PLD5: variants seen among roughly 807,000 people sequenced by gnomAD.
PLD5 encodes the protein inactive phospholipase D5.
A neutral mutation model predicts 61.1 loss-of-function variants in PLD5; 36 were observed. The ratio of observed to expected loss-of-function variants is 0.59; its 90% CI spans 0.45 to 0.78. PLD5 has a LOEUF of 0.78. Ranked by LOEUF, PLD5 falls within the 30% of genes least tolerant of loss-of-function variation. The probability of loss-of-function intolerance (pLI) is 0.00; values close to 1 mark genes in which losing one functional copy is unlikely to be tolerated. For missense variants in PLD5, 515 were observed against 644.4 expected (o/e 0.80, Z 2.17); for synonymous variants, 243 against 242.8 (o/e 1.00, Z -0.01).
intron 1 of PLD5, among the ~76,000 whole-genome samples, chr1:242,407,441 CCT>C (rs1664293620): frequency 6.6e-6 from 1 of 152,114 alleles, no homozygotes; most frequent in African/African-American, 2.4e-5. Flanking sequence ...TCCTCCTATC[CCT>C]CTGACTATGC....
chr1:242,362,877 A>G, intron 1 of PLD5, among the ~76,000 whole-genome samples: 1 of 152,060 alleles, frequency 6.6e-6, no homozygotes, highest in East Asian at 1.9e-4. Context: ...TAACCTGCAA[A>G]TGTACATCAC....
At chr1:242,351,277 G>T (rs1272060008) in intron 1 of PLD5, among the ~76,000 whole-genome samples, 1 of 152,086 alleles carries the variant, frequency 6.6e-6, no homozygotes, top group Non-Finnish European at 1.5e-5. Flanking sequence ...AGGTGTTCAA[G>T]AAATAATTAT....
At chr1:242,523,427 G>A (rs554483497) in intron 1 of PLD5, among the ~76,000 whole-genome samples, 8 of 152,066 alleles carry the variant, frequency 5.3e-5, no homozygotes, top group African/African-American at 1.7e-4. Flanking sequence ...GCACTCCTTG[G>A]GAGTAGAGGT....
At chr1:242,160,692 C>A (rs181798267) in intron 5 of PLD5, among the ~76,000 whole-genome samples, 314 of 152,186 alleles carry the variant, frequency 2.1e-3, no homozygotes, top group African/African-American at 7.2e-3. Flanking sequence ...TGAGACCAGC[C>A]TGGCCAACAT....
At chr1:242,250,313 T>C (rs532729834) in intron 4 of PLD5, among the ~76,000 whole-genome samples, 4 of 152,198 alleles carry the variant, frequency 2.6e-5, no homozygotes, top group Non-Finnish European at 4.4e-5. Flanking sequence ...AGTCTCCATC[T>C]TGCCCTCATT....
At chr1:242,171,731 G>A (rs1666763834) in intron 5 of PLD5, among the ~76,000 whole-genome samples, 1 of 146,446 alleles carries the variant, frequency 6.8e-6, no homozygotes, top group African/African-American at 2.5e-5. Flanking sequence ...AAAAAAAAGA[G>A]CAGGAGTTGC....
intron 1 of PLD5, among the ~76,000 whole-genome samples, chr1:242,421,500 A>T (rs1325381383): frequency 6.6e-6 from 1 of 152,330 alleles, no homozygotes. Context: ...GATACAGCAC[A>T]TACTACTGAT....
chr1:242,268,436 C>T (rs1363644743), intron 3 of PLD5, among the ~76,000 whole-genome samples: 1 of 152,164 alleles, frequency 6.6e-6, no homozygotes, highest in Non-Finnish European at 1.5e-5. Context: ...GTATTTCTGG[C>T]TCTGTGACTT....
chr1:242,424,437 G>T (rs950640259), intron 1 of PLD5, among the ~76,000 whole-genome samples: 1 of 151,736 alleles, frequency 6.6e-6, no homozygotes, highest in African/African-American at 2.4e-5. Flanking sequence ...TTCAAAATAC[G>T]CCCAGATTTT....
At chr1:242,435,867 C>T (rs1370645873) in intron 1 of PLD5, among the ~76,000 whole-genome samples, 2 of 152,200 alleles carry the variant, frequency 1.3e-5, no homozygotes, top group South Asian at 2.1e-4. Flanking sequence ...TCTACCACTA[C>T]TCTATGCCTT....
At chr1:242,229,093 A>C (rs1215429736) in intron 4 of PLD5, among the ~76,000 whole-genome samples, 1 of 152,356 alleles carries the variant, frequency 6.6e-6, no homozygotes, top group East Asian at 1.9e-4. Flanking sequence ...AATTTTTAGC[A>C]AAGAGCCTGT....
Position 242,132,192 on chromosome 1 carries a change from C to CGGG in PLD5, c.736-7530_736-7528dup, listed in dbSNP as rs58312459. On this transcript the variant is annotated intron_variant, in intron 5 of 9. Transcript: ENST00000536534. ...GTCATCAAAGAGAATGCAGTGATTG[C>CGGG]GGGGGGGGGGGGGGGCGGAATCATT... is the stretch of plus-strand genomic sequence containing the variant. Among the ~76,000 whole-genome samples the CGGG allele has an allele frequency of 5.4e-3, 109 of 20,226 alleles. 1 individual carries two copies. Among genetic ancestry groups the CGGG allele is most frequent in the African/African-American group, 7.2e-3 (35 of 4,842 alleles). 13.3% of individuals were successfully genotyped at this position (20,226 alleles called of 152,430 possible).
chr1:242,444,593 C>A (rs1168508697), intron 1 of PLD5, among the ~76,000 whole-genome samples: 2 of 44,382 alleles, frequency 4.5e-5, no homozygotes, highest in Non-Finnish European at 9.5e-5. Context: ...TCCTCAGGAA[C>A]ATAATCAAAA....
chr1:242,272,392 T>G lies in PLD5; in HGVS notation c.496-6944A>C, dbSNP rs1186043651. Among the ~76,000 whole-genome samples the G allele has an allele frequency of 3.3e-5, 5 of 152,250 alleles. No individual in the cohort carries two copies. In the East Asian group the frequency reaches 9.6e-4, roughly 29 times the overall value. On this transcript the variant is annotated intron_variant, in intron 3 of 9. Transcript: ENST00000536534. The stretch of plus-strand genomic sequence containing the variant: ...AAAAATTATATATTATCAATAAACT[T>G]GATTATATGTATACTTTTATATACT...
intron 1 of PLD5, among the ~76,000 whole-genome samples, chr1:242,454,331 C>CAAAAA (rs34186124): frequency 4.0e-4 from 51 of 128,162 alleles, no homozygotes; most frequent in Middle Eastern, 8.0e-3. Context: ...GACTCCGTGT[C>CAAAAA]AAAAAAAAAA....
intron 1 of PLD5, among the ~76,000 whole-genome samples, chr1:242,504,579 T>A (rs2102993669): frequency 1.4e-5 from 1 of 73,706 alleles, no homozygotes; most frequent in South Asian, 3.1e-4. Flanking sequence ...CATGAAAGCA[T>A]TTTTTAACTG....
intron 1 of PLD5, among the ~76,000 whole-genome samples, chr1:242,476,435 A>G (rs2102956119): frequency 6.6e-6 from 1 of 152,300 alleles, no homozygotes; most frequent in East Asian, 1.9e-4. Flanking sequence ...TGGGGCTGCC[A>G]GGTGGCAAGG....
At position 242,349,364 on chromosome 1, in the gene PLD5, G is replaced by A. The variant is rs61848688; in HGVS notation, c.190-1122C>T. Reference sequence around the variant, plus strand: ...TATCAGCAATTCCAAAAGGGAGGAGGGCACAAATTAGGCAAGTCCAGCTCC... The same window carrying A: ...TATCAGCAATTCCAAAAGGGAGGAGAGCACAAATTAGGCAAGTCCAGCTCC... On this transcript the variant is annotated intron_variant, in intron 1 of 9. Coordinates refer to ENST00000536534, the MANE Select transcript of PLD5 (RefSeq NM_001372062.1). Among the ~76,000 whole-genome samples, 620 of 152,200 alleles carry A rather than the reference G, an allele frequency of 4.1e-3. 2 individuals carry two copies. Among genetic ancestry groups the A allele is most frequent in the Non-Finnish European group, 6.4e-3 (432 of 68,004 alleles).
At chr1:242,337,592 T>C (rs1659597680) in intron 2 of PLD5, among the ~76,000 whole-genome samples, 1 of 152,144 alleles carries the variant, frequency 6.6e-6, no homozygotes, top group Non-Finnish European at 1.5e-5. Flanking sequence ...GACCATGCCA[T>C]TGCACTCCAG....
Sources: allele counts gnomAD v4.1 joint callset (sites outside exome capture counted in the v4.1 genomes callset), GRCh38; gene constraint gnomAD v4.1.1; transcripts MANE v1.5; gene names NCBI Gene and HGNC (gene_info 2026-07-23, HGNC 2026-07-21).